COL21A1: variants seen among roughly 807,000 people sequenced by gnomAD.
COL21A1 encodes collagen type XXI alpha 1 chain, also known as collagen alpha-1(XXI) chain.
COL21A1 carries 149 observed loss-of-function variants against 137.9 expected under a neutral mutation model. The observed-to-expected ratio is 1.08, with a 90% confidence interval of 0.95 to 1.24. The LOEUF (loss-of-function observed/expected upper bound fraction) is 1.24. Among genes scored for constraint, COL21A1 ranks in the 50% most tolerant of loss-of-function variants. COL21A1 has a pLI of 0.00. For synonymous variants in COL21A1, 456 were observed against 391.5 expected (o/e 1.16, Z -1.95); for missense variants, 1,167 against 1,158.4 (o/e 1.01, Z -0.11).
chr6:56,182,497 G>T, intron 2 of COL21A1, 34 bp downstream of exon 2: 2 of 1,377,942 alleles, frequency 1.5e-6, no homozygotes, highest in Middle Eastern at 1.8e-4. Context: ...TTAATTTGTT[G>T]ATAACAAAAA....
intron 12 of COL21A1, among the ~76,000 whole-genome samples, chr6:56,130,165 TTATATATATATATATATA>T (rs201644225): frequency 4.8e-4 from 52 of 107,948 alleles, no homozygotes; most frequent in African/African-American, 1.7e-3. Flanking sequence ...TGACAGGGTT[TTATATATATATATATATA>T]TATATATATA....
intron 1 of COL21A1, chr6:56,276,393 A>T (rs1203707904): frequency 3.6e-6 from 2 of 551,380 alleles, no homozygotes; most frequent in African/African-American, 3.8e-5. Flanking sequence ...AGTTGAAATA[A>T]TTTTTAAAAA....
At chr6:56,379,889 T>C (rs893842029) in intron 1 of COL21A1, among the ~76,000 whole-genome samples, 1 of 152,220 alleles carries the variant, frequency 6.6e-6, no homozygotes, top group African/African-American at 2.4e-5. Context: ...TTTTTCTTAT[T>C]ATGAGGGAGG....
At chr6:56,154,152 TC>T (rs1775552501) in intron 10 of COL21A1, among the ~76,000 whole-genome samples, 1 of 152,070 alleles carries the variant, frequency 6.6e-6, no homozygotes, top group Admixed American at 6.6e-5. Flanking sequence ...GGGAGTGAAT[TC>T]TTGATAAAAA....
At chr6:56,149,903 C>A (rs967507124) in intron 10 of COL21A1, among the ~76,000 whole-genome samples, 4 of 152,178 alleles carry the variant, frequency 2.6e-5, no homozygotes, top group Non-Finnish European at 4.4e-5. Flanking sequence ...AAAGTAATTT[C>A]TTTTAAAAAT....
chr6:56,254,670 G>T (rs1582734984), intron 1 of COL21A1, among the ~76,000 whole-genome samples: 2 of 152,250 alleles, frequency 1.3e-5, no homozygotes, highest in East Asian at 3.9e-4. Flanking sequence ...GAATATTGAA[G>T]TTATTTGGTG....
At chr6:56,144,910 A>G (rs1453356150) in intron 10 of COL21A1, among the ~76,000 whole-genome samples, 1 of 152,222 alleles carries the variant, frequency 6.6e-6, no homozygotes, top group Non-Finnish European at 1.5e-5. Flanking sequence ...TTAGTTTCTT[A>G]CCATAAACTG....
intron 1 of COL21A1, among the ~76,000 whole-genome samples, chr6:56,324,773 T>C (rs1225804477): frequency 2.0e-5 from 3 of 151,976 alleles, no homozygotes; most frequent in South Asian, 2.1e-4. Context: ...ACTTGGCACA[T>C]TGATAACCTG....
chr6:56,110,894 C>T (rs1771368073), intron 16 of COL21A1, among the ~76,000 whole-genome samples: 1 of 152,112 alleles, frequency 6.6e-6, no homozygotes, highest in African/African-American at 2.4e-5. Flanking sequence ...TGGCAACTCT[C>T]CCCAAATAAA....
intron 10 of COL21A1, 29 bp from the exon 11 acceptor site, chr6:56,142,012 T>A (rs1774452475): frequency 2.8e-6 from 4 of 1,415,688 alleles, no homozygotes; most frequent in African/African-American, 1.4e-5. Flanking sequence ...AGAAAAAAAA[T>A]AATATTTCAT....
chr6:56,374,922 A>T (rs1003379245), intron 1 of COL21A1, among the ~76,000 whole-genome samples: 30 of 151,686 alleles, frequency 2.0e-4, no homozygotes, highest in African/African-American at 7.2e-4. Flanking sequence ...TGAACAGATG[A>T]TTCTCCAGGT....
chr6:56,349,345 T>TG (rs1193963914), intron 1 of COL21A1, among the ~76,000 whole-genome samples: 1 of 96,736 alleles, frequency 1.0e-5, no homozygotes, highest in South Asian at 5.4e-4. Context: ...CCCGCCCCCC[T>TG]GAAAAAAAAA....
At chr6:56,349,387 G>A (rs1187892880) in intron 1 of COL21A1, among the ~76,000 whole-genome samples, 1 of 151,810 alleles carries the variant, frequency 6.6e-6, no homozygotes, top group Non-Finnish European at 1.5e-5. Context: ...GAGATGTTGA[G>A]TCATCATAAA....
At chr6:56,286,893 C>T (rs1763927085) in intron 1 of COL21A1, among the ~76,000 whole-genome samples, 1 of 152,200 alleles carries the variant, frequency 6.6e-6, no homozygotes, top group South Asian at 2.1e-4. Context: ...ATGAAACTAT[C>T]TCAAGGCAGA....
intron 10 of COL21A1, among the ~76,000 whole-genome samples, chr6:56,147,543 G>A (rs1774929579): frequency 6.6e-6 from 1 of 151,716 alleles, no homozygotes; most frequent in African/African-American, 2.4e-5. Context: ...TCTAATAGTA[G>A]AAACAGGCCT....
upstream of COL21A1, among the ~76,000 whole-genome samples, chr6:56,248,756 T>A (rs1417438940): frequency 6.6e-6 from 1 of 152,242 alleles, no homozygotes; most frequent in Non-Finnish European, 1.5e-5. Context: ...CATCTTCAAA[T>A]GATCATTTCC....
At chr6:56,166,862 G>A in intron 7 of COL21A1, 44 bp downstream of exon 7, 5 of 1,377,572 alleles carry the variant, frequency 3.6e-6, no homozygotes, top group Non-Finnish European at 5.1e-6. Context: ...TGCTTTGAAA[G>A]TACTAAAGCA....
chr6:56,113,400 G>A (rs1456129207), intron 16 of COL21A1, among the ~76,000 whole-genome samples: 1 of 152,156 alleles, frequency 6.6e-6, no homozygotes, highest in East Asian at 1.9e-4. Context: ...AGAGTCAAGA[G>A]GCCCCCTTTC....
intron 1 of COL21A1, among the ~76,000 whole-genome samples, chr6:56,314,270 A>T (rs895254961): frequency 6.6e-6 from 1 of 152,202 alleles, no homozygotes; most frequent in East Asian, 1.9e-4. Context: ...GGCGTGAGCC[A>T]CCGCACCTGG....
Sources: allele counts gnomAD v4.1 joint callset (sites outside exome capture counted in the v4.1 genomes callset), GRCh38; gene constraint gnomAD v4.1.1; transcripts MANE v1.5; gene names NCBI Gene and HGNC (gene_info 2026-07-23, HGNC 2026-07-21).